ACTR3C: variants seen among roughly 807,000 people sequenced by gnomAD.
ACTR3C encodes actin related protein 3C.
In ACTR3C, 18 loss-of-function variants were observed where a neutral mutation model predicts 26.3. That is an observed-to-expected ratio of 0.68 (90% CI 0.47 to 1.01). ACTR3C has a LOEUF of 1.01. ACTR3C is among the 50% of genes least tolerant of loss of function. The probability of loss-of-function intolerance (pLI) is 0.00; values close to 1 mark genes in which losing one functional copy is unlikely to be tolerated. For synonymous variants in ACTR3C, 55 were observed against 94.5 expected (o/e 0.58, Z 2.42); for missense variants, 184 against 250.7 (o/e 0.73, Z 1.80).
At chr7:150,052,066 AT>A in the ACTR3C span, among the ~76,000 whole-genome samples, 1 of 152,168 alleles carries the variant, frequency 6.6e-6, no homozygotes, top group African/African-American at 2.4e-5. Context: ...CTAAGTTAGC[AT>A]ACTCTGAAGG....
chr7:150,316,059 T>C (rs1030642396), intron 1 of ACTR3C, among the ~76,000 whole-genome samples: 10 of 152,150 alleles, frequency 6.6e-5, no homozygotes, highest in Non-Finnish European at 8.8e-5. Context: ...TAGCTGGGCA[T>C]CGTGGCACAT....
the ACTR3C span, among the ~76,000 whole-genome samples, chr7:149,884,567 C>T: frequency 1.3e-5 from 2 of 151,822 alleles, no homozygotes; most frequent in African/African-American, 4.8e-5. Flanking sequence ...ATGGTATATA[C>T]CTACATGTAT....
chr7:150,191,527 T>C, the ACTR3C span, among the ~76,000 whole-genome samples: 1 of 152,234 alleles, frequency 6.6e-6, no homozygotes. Context: ...TGCTAGAACA[T>C]AGAAAAACAA....
chr7:149,972,281 A>C, the ACTR3C span, among the ~76,000 whole-genome samples: 1 of 152,230 alleles, frequency 6.6e-6, no homozygotes, highest in African/African-American at 2.4e-5. Flanking sequence ...CTCTGTTTGC[A>C]AGTCAAATCC....
the ACTR3C span, among the ~76,000 whole-genome samples, chr7:150,037,687 G>C: frequency 9.3e-6 from 1 of 107,720 alleles, no homozygotes; most frequent in Non-Finnish European, 2.0e-5. Context: ...TGGGTCCTAA[G>C]GATCTTAGGA....
At chr7:150,255,174 A>C (rs1365482531) in intron 6 of ACTR3C, among the ~76,000 whole-genome samples, 1 of 151,812 alleles carries the variant, frequency 6.6e-6, no homozygotes, top group Non-Finnish European at 1.5e-5. Context: ...CAATGGAAGG[A>C]AATGCTCCTT....
At chr7:150,128,251 T>C in the ACTR3C span, among the ~76,000 whole-genome samples, 1 of 152,152 alleles carries the variant, frequency 6.6e-6, no homozygotes, top group Admixed American at 6.5e-5. Context: ...CTTAGAAGAA[T>C]TGCAGCTTGT....
the ACTR3C span, among the ~76,000 whole-genome samples, chr7:149,978,647 T>C: frequency 6.6e-6 from 1 of 152,148 alleles, no homozygotes; most frequent in Non-Finnish European, 1.5e-5. Context: ...CAGCTCCCTG[T>C]TGCTTATTCT....
At chr7:149,915,052 G>A in the ACTR3C span, among the ~76,000 whole-genome samples, 2 of 151,900 alleles carry the variant, frequency 1.3e-5, no homozygotes, top group African/African-American at 4.8e-5. Flanking sequence ...GCTAATTTTT[G>A]TATTTTTAGT....
At chr7:150,016,247 T>G in the ACTR3C span, among the ~76,000 whole-genome samples, 3 of 152,104 alleles carry the variant, frequency 2.0e-5, no homozygotes, top group Non-Finnish European at 4.4e-5. Flanking sequence ...GTCTTTCTAT[T>G]TTTTAATACC....
chr7:150,278,082 C>G (rs1254934758), intron 6 of ACTR3C, among the ~76,000 whole-genome samples: 1 of 152,168 alleles, frequency 6.6e-6, no homozygotes, highest in Non-Finnish European at 1.5e-5. Flanking sequence ...TCACACTCCC[C>G]ATTCCCACAT....
At chr7:150,117,178 G>A in the ACTR3C span, among the ~76,000 whole-genome samples, 1 of 152,144 alleles carries the variant, frequency 6.6e-6, no homozygotes, top group South Asian at 2.1e-4. Flanking sequence ...CACCAAGCTA[G>A]CTGGAGGAGT....
the ACTR3C span, among the ~76,000 whole-genome samples, chr7:150,203,661 G>A: frequency 6.6e-6 from 1 of 152,116 alleles, no homozygotes; most frequent in African/African-American, 2.4e-5. Context: ...CACCTCCCTG[G>A]TTCAAGGGAT....
chr7:149,883,363 C>G, the ACTR3C span, among the ~76,000 whole-genome samples: 1 of 152,058 alleles, frequency 6.6e-6, no homozygotes, highest in Non-Finnish European at 1.5e-5. Context: ...ATGTGGGAGG[C>G]ACATCAGTAA....
At chr7:150,170,869 A>C in the ACTR3C span, among the ~76,000 whole-genome samples, 1 of 144,410 alleles carries the variant, frequency 6.9e-6, no homozygotes, top group Non-Finnish European at 1.5e-5. Flanking sequence ...AGCATATACT[A>C]TTACCAGGGA....
At chr7:149,947,330 C>T in the ACTR3C span, among the ~76,000 whole-genome samples, 25 of 119,290 alleles carry the variant, frequency 2.1e-4, no homozygotes, top group Admixed American at 9.1e-4. Flanking sequence ...AAAATGCTCT[C>T]GGTGGGGAGC....
the ACTR3C span, among the ~76,000 whole-genome samples, chr7:150,008,097 T>C: frequency 6.6e-6 from 1 of 152,236 alleles, no homozygotes; most frequent in Non-Finnish European, 1.5e-5. Context: ...CATTCCACGT[T>C]TTGAACACTT....
chr7:150,198,235 GC>G, the ACTR3C span, among the ~76,000 whole-genome samples: 1 of 149,154 alleles, frequency 6.7e-6, no homozygotes, highest in East Asian at 2.0e-4. Flanking sequence ...CTCCCAAAGT[GC>G]CGAGATTGCA....
chr7:149,923,688 C>T, the ACTR3C span, among the ~76,000 whole-genome samples: 11 of 152,126 alleles, frequency 7.2e-5, no homozygotes, highest in African/African-American at 2.7e-4. Context: ...CCATGACAGA[C>T]TAGGTACACA....
Sources: allele counts gnomAD v4.1 joint callset (sites outside exome capture counted in the v4.1 genomes callset), GRCh38; gene constraint gnomAD v4.1.1; transcripts MANE v1.5; gene names NCBI Gene and HGNC (gene_info 2026-07-23, HGNC 2026-07-21).